CAMTA1: variants seen among roughly 807,000 people sequenced by gnomAD.
CAMTA1 encodes the protein calmodulin-binding transcription activator 1.
In CAMTA1, 27 loss-of-function variants were observed where a neutral mutation model predicts 170.9. The ratio of observed to expected loss-of-function variants is 0.16; its 90% CI spans 0.12 to 0.22. The LOEUF (loss-of-function observed/expected upper bound fraction) is 0.22. Ranked by LOEUF, CAMTA1 falls within the 10% of genes least tolerant of loss-of-function variation. CAMTA1 has a pLI of 1.00. For missense variants in CAMTA1, 1,619 were observed against 2,217.2 expected (o/e 0.73, Z 5.42); for synonymous variants, 833 against 891.5 (o/e 0.93, Z 1.17).
chr1:7,423,617 T>C (rs1284224678), intron 5 of CAMTA1, among the ~76,000 whole-genome samples: 1 of 152,124 alleles, frequency 6.6e-6, no homozygotes, highest in Non-Finnish European at 1.5e-5. Flanking sequence ...TATATCCTGC[T>C]TTTGTCAATG....
chr1:6,962,626 T>A (rs1368271699), intron 3 of CAMTA1, among the ~76,000 whole-genome samples: 2 of 22,098 alleles, frequency 9.1e-5, no homozygotes, highest in African/African-American at 3.8e-4. Flanking sequence ...CCCGCCCCTC[T>A]GGACCCACCC....
intron 4 of CAMTA1, among the ~76,000 whole-genome samples, chr1:7,119,661 T>C (rs4908443): frequency 0.78 from 118,553 of 152,088 alleles, 46,796 homozygotes; most frequent in African/African-American, 0.9. Flanking sequence ...AGGAGAGGCC[T>C]CTTGATGCCA....
chr1:7,348,508 C>G (rs1330343035), intron 5 of CAMTA1, among the ~76,000 whole-genome samples: 2 of 152,144 alleles, frequency 1.3e-5, no homozygotes, highest in Non-Finnish European at 1.5e-5. Context: ...TCCACCTGGC[C>G]CTTGGAAGGT....
chr1:6,990,030 C>T (rs888213745), intron 3 of CAMTA1, among the ~76,000 whole-genome samples: 1 of 152,086 alleles, frequency 6.6e-6, no homozygotes, highest in Non-Finnish European at 1.5e-5. Flanking sequence ...GAAAGCTCAC[C>T]CAAGCCCTTC....
Position 7,736,822 on chromosome 1 carries a change from G to A in CAMTA1, c.3264-109G>A, listed in dbSNP as rs958731061. On this transcript the variant is annotated intron_variant, in intron 13 of 22. Transcript: ENST00000303635. This position sits in a 1 kb window ranked among gnomAD's most constrained non-coding sequence, Gnocchi z 4.5. ...TGGGACTCTGTTTCTTCACCATGGG[G>A]ATGTTATATACCCAGTTGGGTTTCA... 30 of 882,178 alleles carry A rather than the reference G, an allele frequency of 3.4e-5. No individual in the cohort carries two copies. Among genetic ancestry groups the A allele is most frequent in the South Asian group, 3.3e-4 (22 of 66,298 alleles). 54.6% of individuals were successfully genotyped at this position (882,178 alleles called of 1,614,324 possible).
intron 3 of CAMTA1, among the ~76,000 whole-genome samples, chr1:6,835,333 T>G (rs1178851964): frequency 3.9e-5 from 6 of 152,008 alleles, no homozygotes; most frequent in Admixed American, 1.3e-4. Context: ...ATTGGTGGAG[T>G]TGCCTCAGGA....
intron 4 of CAMTA1, among the ~76,000 whole-genome samples, chr1:7,227,754 G>A (rs770466287): frequency 6.6e-6 from 1 of 152,224 alleles, no homozygotes; most frequent in Non-Finnish European, 1.5e-5. Flanking sequence ...AGTGACCAGT[G>A]ACTGAGAAAA....
intron 4 of CAMTA1, among the ~76,000 whole-genome samples, chr1:7,121,218 G>A (rs1220842344): frequency 6.6e-6 from 1 of 152,246 alleles, no homozygotes; most frequent in Non-Finnish European, 1.5e-5. Flanking sequence ...CGAGGACTGG[G>A]TTTAAATGGA....
At chr1:7,379,495 T>G (rs1042726861) in intron 5 of CAMTA1, among the ~76,000 whole-genome samples, 1 of 152,200 alleles carries the variant, frequency 6.6e-6, no homozygotes, top group Non-Finnish European at 1.5e-5. Flanking sequence ...TAATTTAAAT[T>G]CAGGGAGCCG....
intron 5 of CAMTA1, among the ~76,000 whole-genome samples, chr1:7,348,917 C>T (rs898398477): frequency 6.6e-6 from 1 of 152,204 alleles, no homozygotes; most frequent in African/African-American, 2.4e-5. Flanking sequence ...GCCTACTTCT[C>T]ATTTCCTCAC....
At chr1:7,427,635 CTT>C (rs902274583) in intron 5 of CAMTA1, among the ~76,000 whole-genome samples, 10 of 152,238 alleles carry the variant, frequency 6.6e-5, no homozygotes, top group African/African-American at 2.4e-4. Context: ...TCTCTAGTCT[CTT>C]TTATAATCCT....
chr1:7,765,301 A>G (rs2097012321), intron 22 of CAMTA1, among the ~76,000 whole-genome samples: 1 of 152,226 alleles, frequency 6.6e-6, no homozygotes, highest in South Asian at 2.1e-4. Context: ...CTCTTACAGC[A>G]GACAGCAGCT....
chr1:7,086,687 C>G (rs1264519519), intron 3 of CAMTA1, among the ~76,000 whole-genome samples: 1 of 152,172 alleles, frequency 6.6e-6, no homozygotes, highest in Non-Finnish European at 1.5e-5. Flanking sequence ...CATGCCTGGC[C>G]TCTTCCACTC....
intron 5 of CAMTA1, among the ~76,000 whole-genome samples, chr1:7,449,709 G>A (rs574909377): frequency 6.9e-6 from 1 of 144,836 alleles, no homozygotes; most frequent in African/African-American, 2.5e-5. Context: ...GGTGGAGGTT[G>A]CAGTGAGCCG....
intron 6 of CAMTA1, among the ~76,000 whole-genome samples, chr1:7,614,185 A>G (rs1441776244): frequency 6.6e-6 from 1 of 152,058 alleles, no homozygotes; most frequent in Non-Finnish European, 1.5e-5. Context: ...CTGAAGGCTC[A>G]GGCTGAGTCC....
intron 5 of CAMTA1, among the ~76,000 whole-genome samples, chr1:7,289,122 GA>G (rs879668018): frequency 2.8e-4 from 42 of 152,192 alleles, no homozygotes; most frequent in Non-Finnish European, 5.6e-4. Context: ...GATCTCATGA[GA>G]ACTCACTCGC....
rs1285252015 is a variant in CAMTA1 at position 7,766,551 on chromosome 1, GT to G, written c.*65del. 2 of 1,501,106 alleles carry G rather than the reference GT, an allele frequency of 1.3e-6. No individual in the cohort carries two copies. Among genetic ancestry groups the G allele is most frequent in the Non-Finnish European group, 1.9e-6 (2 of 1,077,602 alleles). The allele number at this position is 1,501,106 out of a possible 1,614,324, so 93.0% of individuals were successfully genotyped here. ...TGCTTTTCAGACTGTTTTCATTTCTGTTTTTAGCAGAGACATGCAACAACAA... is the reference window on the plus strand; with the variant it reads ...TGCTTTTCAGACTGTTTTCATTTCTGTTTTAGCAGAGACATGCAACAACAA... On this transcript the variant is annotated 3_prime_UTR_variant, in exon 23 of 23. Coordinates refer to ENST00000303635, the MANE Select transcript of CAMTA1 (RefSeq NM_015215.4).
chr1:6,813,717 G>A (rs1645452587), intron 1 of CAMTA1, among the ~76,000 whole-genome samples: 3 of 151,906 alleles, frequency 2.0e-5, no homozygotes, highest in Admixed American at 1.3e-4. Flanking sequence ...GAACTCCTGG[G>A]CTCAAACAGT....
intron 6 of CAMTA1, among the ~76,000 whole-genome samples, chr1:7,533,705 G>C (rs950389402): frequency 1.4e-4 from 22 of 152,148 alleles, no homozygotes; most frequent in African/African-American, 5.3e-4. Context: ...TTGAGGTCAG[G>C]AGTTTGAGAC....
Sources: allele counts gnomAD v4.1 joint callset (sites outside exome capture counted in the v4.1 genomes callset), GRCh38; gene constraint gnomAD v4.1.1; non-coding constraint Gnocchi (gnomAD v3.1); transcripts MANE v1.5; gene names NCBI Gene and HGNC (gene_info 2026-07-23, HGNC 2026-07-21).